DRC9: variants seen among roughly 807,000 people sequenced by gnomAD.
DRC9 encodes the protein dynein regulatory complex protein 9.
At chr3:197,925,200 T>C in the DRC9 span, among the ~76,000 whole-genome samples, 1 of 115,952 alleles carries the variant, frequency 8.6e-6, no homozygotes, top group African/African-American at 3.4e-5. Flanking sequence ...GATATGACGA[T>C]GGGATGAGGT....
the DRC9 span, chr3:197,912,728 C>G: frequency 3.0e-5 from 49 of 1,613,926 alleles, no homozygotes; most frequent in Admixed American, 6.7e-5. Flanking sequence ...CGGGCCTCTT[C>G]TTCGGTTTTC....
the DRC9 span, chr3:197,953,974 A>C: frequency 1.2e-5 from 19 of 1,611,078 alleles, no homozygotes; most frequent in South Asian, 3.3e-5. Context: ...ATCAGCTTGT[A>C]TTCCTCTTCT....
chr3:197,955,648 T>C, the DRC9 span: 1 of 1,040,686 alleles, frequency 9.6e-7, no homozygotes, highest in South Asian at 1.3e-5. Context: ...CACTAGAACA[T>C]GTAATTGGTA....
chr3:197,889,962 A>AT, the DRC9 span, among the ~76,000 whole-genome samples: 1 of 152,058 alleles, frequency 6.6e-6, no homozygotes, highest in Non-Finnish European at 1.5e-5. Flanking sequence ...GATTTGACCT[A>AT]TTTTTTCTTC....
the DRC9 span, among the ~76,000 whole-genome samples, chr3:197,917,309 C>T: frequency 6.6e-6 from 1 of 152,258 alleles, no homozygotes; most frequent in East Asian, 1.9e-4. Flanking sequence ...AGAGCAAGAC[C>T]CTGTCTCAAA....
chr3:197,941,617 G>A, the DRC9 span, among the ~76,000 whole-genome samples: 1 of 138,324 alleles, frequency 7.2e-6, no homozygotes, highest in African/African-American at 2.7e-5. Context: ...TTGGCATGCA[G>A]TGGTGTGACC....
chr3:197,938,826 A>G, the DRC9 span: 2 of 1,359,346 alleles, frequency 1.5e-6, no homozygotes, highest in South Asian at 1.2e-5. Flanking sequence ...TAAAGAGACA[A>G]TACAACAAGA....
chr3:197,932,058 A>G, the DRC9 span: 75 of 1,115,928 alleles, frequency 6.7e-5, no homozygotes, highest in African/African-American at 8.9e-4. Context: ...TCTGACTTCT[A>G]GTTATCTTCC....
the DRC9 span, chr3:197,960,068 G>T: frequency 3.1e-6 from 2 of 636,728 alleles, no homozygotes; most frequent in Non-Finnish European, 5.3e-6. Flanking sequence ...GCCACGAGAC[G>T]CGATGGACGT....
chr3:197,956,033 C>T, the DRC9 span: 2,789 of 465,066 alleles, frequency 6.0e-3, 66 homozygotes, highest in African/African-American at 0.049. Flanking sequence ...TAGTGGTGCT[C>T]GCTGCAGCCT....
At chr3:197,935,685 G>A in the DRC9 span, among the ~76,000 whole-genome samples, 1 of 151,790 alleles carries the variant, frequency 6.6e-6, no homozygotes, top group Non-Finnish European at 1.5e-5. Context: ...GTCTCGCTAT[G>A]TTGCCCAGGC....
chr3:197,950,216 G>C, the DRC9 span: 2 of 1,231,432 alleles, frequency 1.6e-6, no homozygotes, highest in African/African-American at 1.5e-5. Flanking sequence ...CTTGGCTCCT[G>C]TGGAGGTGAG....
chr3:197,897,809 T>C, the DRC9 span, among the ~76,000 whole-genome samples: 1 of 149,138 alleles, frequency 6.7e-6, no homozygotes, highest in African/African-American at 2.5e-5. Context: ...TCTCGCTCTG[T>C]CGCCCAGGCT....
the DRC9 span, chr3:197,955,640 C>A: frequency 1.0e-6 from 1 of 988,730 alleles, no homozygotes; most frequent in Non-Finnish European, 1.6e-6. Flanking sequence ...TTCCTTACCA[C>A]TAGAACATGT....
the DRC9 span, chr3:197,906,224 G>A: frequency 3.3e-5 from 5 of 152,128 alleles, no homozygotes; most frequent in Admixed American, 1.3e-4. Flanking sequence ...GGCTGCCAGC[G>A]GTATGTGGGT....
At chr3:197,940,504 T>C in the DRC9 span, among the ~76,000 whole-genome samples, 3 of 152,112 alleles carry the variant, frequency 2.0e-5, no homozygotes, top group Middle Eastern at 3.2e-3. Flanking sequence ...TTCATAATTC[T>C]AATACATGAA....
At chr3:197,913,977 C>A in the DRC9 span, 1 of 1,614,034 alleles carries the variant, frequency 6.2e-7, no homozygotes, top group Admixed American at 1.7e-5. Context: ...AGCGATTCTC[C>A]AAGTTGGATT....
the DRC9 span, chr3:197,945,612 A>G: frequency 6.3e-7 from 1 of 1,579,666 alleles, no homozygotes; most frequent in Non-Finnish European, 8.6e-7. Flanking sequence ...TTGGAATTTT[A>G]AACATACTCT....
At chr3:197,899,211 T>C in the DRC9 span, among the ~76,000 whole-genome samples, 1 of 152,200 alleles carries the variant, frequency 6.6e-6, no homozygotes, top group East Asian at 1.9e-4. Flanking sequence ...TTTATCAAGC[T>C]TCAAGGAATA....
Sources: gnomAD v4.1 joint callset for allele counts (sites outside exome capture counted in the v4.1 genomes callset) on GRCh38, gnomAD v4.1.1 for gene constraint, MANE v1.5 for transcripts, NCBI Gene and HGNC (gene_info 2026-07-23, HGNC 2026-07-21) for gene names.